SERGEF: variants seen among roughly 807,000 people sequenced by gnomAD.
SERGEF encodes the protein secretion regulating guanine nucleotide exchange factor.
Under a neutral mutation model 50.0 loss-of-function variants are expected in SERGEF, and 51 were observed. The ratio of observed to expected loss-of-function variants is 1.02; its 90% CI spans 0.81 to 1.29. The LOEUF (loss-of-function observed/expected upper bound fraction) is 1.29, where lower values mean the gene tolerates loss of function less well. Among genes scored for constraint, SERGEF ranks in the 50% most tolerant of loss-of-function variants. The pLI is 0.00. For missense variants in SERGEF, 521 were observed against 557.0 expected, an observed-to-expected ratio of 0.94 and a Z score of 0.65; for synonymous variants, 205 against 212.4, an observed-to-expected ratio of 0.97 and a Z score of 0.30.
chr11:17,865,604 A>T (rs2133886877), intron 10 of SERGEF, among the ~76,000 whole-genome samples: 1 of 152,266 alleles, frequency 6.6e-6, no homozygotes, highest in Non-Finnish European at 1.5e-5. Context: ...TGTTTTAAAC[A>T]AAAAAGTTTA....
chr11:17,798,380 G>A (rs1205761060), intron 10 of SERGEF, among the ~76,000 whole-genome samples: 1 of 152,170 alleles, frequency 6.6e-6, no homozygotes, highest in Non-Finnish European at 1.5e-5. Context: ...AGTGAGGCAC[G>A]TATTGGATCA....
chr11:17,971,509 G>A (rs1216395889), intron 8 of SERGEF, among the ~76,000 whole-genome samples: 4 of 152,190 alleles, frequency 2.6e-5, no homozygotes, highest in African/African-American at 9.6e-5. Flanking sequence ...GAACAACAGA[G>A]CCTGGATGAT....
intron 9 of SERGEF, among the ~76,000 whole-genome samples, chr11:17,946,031 C>T (rs1852653314): frequency 6.6e-6 from 1 of 151,952 alleles, no homozygotes; most frequent in Admixed American, 6.6e-5. Flanking sequence ...AAATTGGTCT[C>T]CAGGTGATTA....
At chr11:17,867,526 G>C (rs959156072) in intron 10 of SERGEF, among the ~76,000 whole-genome samples, 1 of 152,202 alleles carries the variant, frequency 6.6e-6, no homozygotes, top group African/African-American at 2.4e-5. Flanking sequence ...CTGAGTGTCT[G>C]TGGCTTTTGC....
At chr11:17,954,508 T>A (rs544156845) in intron 9 of SERGEF, among the ~76,000 whole-genome samples, 1 of 152,132 alleles carries the variant, frequency 6.6e-6, no homozygotes, top group Admixed American at 6.5e-5. Context: ...CTCTGCAAAC[T>A]AAAAATAGCT....
At chr11:17,893,371 C>T (rs1404365923) in intron 9 of SERGEF, among the ~76,000 whole-genome samples, 1 of 152,160 alleles carries the variant, frequency 6.6e-6, no homozygotes, top group Non-Finnish European at 1.5e-5. Context: ...ATATTTGCCC[C>T]ACCAGATAGT....
At chr11:17,964,279 G>T (rs913971279) in intron 8 of SERGEF, among the ~76,000 whole-genome samples, 1 of 152,086 alleles carries the variant, frequency 6.6e-6, no homozygotes. Flanking sequence ...ACCACAGAGA[G>T]CAGGGGATAC....
chr11:17,857,057 T>C (rs1379609427), intron 10 of SERGEF, among the ~76,000 whole-genome samples: 3 of 151,990 alleles, frequency 2.0e-5, no homozygotes, highest in African/African-American at 4.8e-5. Context: ...TATGGGTGAG[T>C]AGCAGAAACT....
intron 9 of SERGEF, among the ~76,000 whole-genome samples, chr11:17,878,583 T>C (rs1026876331): frequency 2.0e-5 from 3 of 152,204 alleles, no homozygotes; most frequent in Non-Finnish European, 4.4e-5. Context: ...AATGGAAAGA[T>C]AAGGCAATAA....
intron 10 of SERGEF, among the ~76,000 whole-genome samples, chr11:17,823,336 C>G (rs1355977931): frequency 1.3e-5 from 2 of 152,128 alleles, no homozygotes; most frequent in Non-Finnish European, 2.9e-5. Flanking sequence ...CCTTGGTCAC[C>G]TGGGCAAGGT....
intron 10 of SERGEF, among the ~76,000 whole-genome samples, chr11:17,842,933 G>A (rs562745644): frequency 4.6e-5 from 7 of 152,252 alleles, no homozygotes; most frequent in South Asian, 2.1e-4. Flanking sequence ...CGAAACCAAC[G>A]CACAGATTTT....
intron 10 of SERGEF, among the ~76,000 whole-genome samples, chr11:17,862,570 C>T (rs1422522462): frequency 6.6e-6 from 1 of 152,190 alleles, no homozygotes; most frequent in Non-Finnish European, 1.5e-5. Flanking sequence ...ATAGTCATAG[C>T]TGTTCTACAT....
chr11:17,861,183 G>A (rs755705718), intron 10 of SERGEF, among the ~76,000 whole-genome samples: 6 of 152,202 alleles, frequency 3.9e-5, no homozygotes, highest in Admixed American at 6.5e-5. Flanking sequence ...GAAGCAAGGC[G>A]AAACACCAGA....
At chr11:17,882,826 T>C (rs1851359822) in intron 9 of SERGEF, among the ~76,000 whole-genome samples, 1 of 152,224 alleles carries the variant, frequency 6.6e-6, no homozygotes, top group Admixed American at 6.5e-5. Flanking sequence ...AGCATGAAGA[T>C]GCTGGGGGCA....
chr11:17,962,369 A>C (rs1440718242), intron 8 of SERGEF, among the ~76,000 whole-genome samples: 2 of 152,306 alleles, frequency 1.3e-5, no homozygotes, highest in African/African-American at 4.8e-5. Context: ...TCCACATATA[A>C]AAAATGCTCA....
At chr11:17,864,146 G>T (rs1266733853) in intron 10 of SERGEF, among the ~76,000 whole-genome samples, 1 of 152,218 alleles carries the variant, frequency 6.6e-6, no homozygotes, top group Admixed American at 6.5e-5. Flanking sequence ...CTTTCGCAAG[G>T]CCTCAAGCCT....
chr11:17,942,458 G>A (rs1354429367), intron 9 of SERGEF, among the ~76,000 whole-genome samples: 3 of 151,860 alleles, frequency 2.0e-5, no homozygotes, highest in Non-Finnish European at 2.9e-5. Flanking sequence ...ATTTTTGAAC[G>A]TTGATTTTGT....
intron 10 of SERGEF, among the ~76,000 whole-genome samples, chr11:17,863,909 T>C (rs148417860): frequency 1.1e-3 from 160 of 152,346 alleles, no homozygotes; most frequent in African/African-American, 3.7e-3. Context: ...AAACACAGTT[T>C]GTGGACATGA....
intron 9 of SERGEF, among the ~76,000 whole-genome samples, chr11:17,901,934 G>C (rs1027836147): frequency 3.3e-5 from 5 of 152,166 alleles, no homozygotes; most frequent in Non-Finnish European, 5.9e-5. Context: ...TATCTGTAAC[G>C]TGAACATAAC....
Sources: gnomAD v4.1 joint callset for allele counts (sites outside exome capture counted in the v4.1 genomes callset) on GRCh38, gnomAD v4.1.1 for gene constraint, MANE v1.5 for transcripts, NCBI Gene and HGNC (gene_info 2026-07-23, HGNC 2026-07-21) for gene names.